Variants in HVCN1 observed in about 807,000 individuals in gnomAD.
HVCN1 encodes voltage-gated hydrogen channel 1.
Under a neutral mutation model 29.2 loss-of-function variants are expected in HVCN1, and 14 were observed. The ratio of observed to expected loss-of-function variants is 0.48; its 90% CI spans 0.32 to 0.75. The LOEUF is 0.75. HVCN1 is among the 30% of genes least tolerant of loss of function. The probability of loss-of-function intolerance (pLI) is 0.04; values close to 1 mark genes in which losing one functional copy is unlikely to be tolerated. For synonymous variants in HVCN1, 131 were observed against 133.2 expected, an observed-to-expected ratio of 0.98 and a Z score of 0.11; for missense variants, 263 against 341.8, an observed-to-expected ratio of 0.77 and a Z score of 1.82.
At chr12:110,667,602 TG>T (rs1341491389) in intron 3 of HVCN1, among the ~76,000 whole-genome samples, 13 of 152,116 alleles carry the variant, frequency 8.5e-5, no homozygotes, top group African/African-American at 3.1e-4. Flanking sequence ...GCTAATTTTT[TG>T]TATTTTTTTG....
intron 3 of HVCN1, among the ~76,000 whole-genome samples, chr12:110,668,669 G>A (rs2068455491): frequency 6.6e-6 from 1 of 152,136 alleles, no homozygotes; most frequent in Non-Finnish European, 1.5e-5. Flanking sequence ...CTGTGTTTCT[G>A]TCACTTATAA....
At chr12:110,656,587 C>T (rs898229200) in intron 4 of HVCN1, among the ~76,000 whole-genome samples, 13 of 152,262 alleles carry the variant, frequency 8.5e-5, no homozygotes, top group Admixed American at 1.3e-4. Context: ...CCCACCCCCC[C>T]GCCAGGGCCT....
intron 2 of HVCN1, among the ~76,000 whole-genome samples, chr12:110,696,423 C>A (rs866205640): frequency 1.3e-5 from 2 of 152,040 alleles, no homozygotes; most frequent in African/African-American, 4.8e-5. Context: ...AAAGGAAACA[C>A]TGTCAAAGGC....
chr12:110,698,474 G>T (rs1593555884), intron 2 of HVCN1, among the ~76,000 whole-genome samples: 3 of 152,142 alleles, frequency 2.0e-5, no homozygotes, highest in Admixed American at 6.5e-5. Flanking sequence ...CCTCGGTTCC[G>T]CCCTCCAGGC....
chr12:110,650,665 C>T (rs2067764234), intron 6 of HVCN1, among the ~76,000 whole-genome samples: 1 of 149,924 alleles, frequency 6.7e-6, no homozygotes, highest in Non-Finnish European at 1.5e-5. Context: ...AACTGAAAGG[C>T]TTTTTTTTCT....
intron 2 of HVCN1, among the ~76,000 whole-genome samples, chr12:110,698,090 G>A (rs985533697): frequency 6.6e-6 from 1 of 152,158 alleles, no homozygotes; most frequent in Admixed American, 6.5e-5. Flanking sequence ...TTCTCTGCCC[G>A]CAGAGACAGA....
At chr12:110,699,879 G>C (rs921621617) in intron 2 of HVCN1, among the ~76,000 whole-genome samples, 1 of 152,130 alleles carries the variant, frequency 6.6e-6, no homozygotes, top group Non-Finnish European at 1.5e-5. Flanking sequence ...CCACAGGCTG[G>C]AGGCATGAAG....
Position 110,661,054 on chromosome 12 carries a change from C to G in HVCN1, c.306+110G>C. On this transcript the variant is annotated intron_variant, in intron 4 of 7. Transcript: ENST00000242607. This position sits in a 1 kb window ranked among gnomAD's most constrained non-coding sequence, Gnocchi z 6.2. ...ACGTGGTAGGTGCTGGGCAAACACT[C>G]GTAGAATGAATGAGGCAGTGGCCAA... 9.5e-7 allele frequency: 1 copy of G among 1,052,788 alleles called. No individual in the cohort carries two copies. Among genetic ancestry groups the G allele is most frequent in the Non-Finnish European group, 1.4e-6 (1 of 709,368 alleles). The allele number at this position is 1,052,788 out of a possible 1,614,324, so 65.2% of individuals were successfully genotyped here. A position where few individuals can be genotyped will look rare whatever the true frequency, so the allele number is the denominator to read the frequency against.
At position 110,649,452 on chromosome 12, in the gene HVCN1, G is replaced by A; in HGVS notation, c.780C>T (p.Asn260=). Residue 260 remains asparagine (N), a synonymous_variant, in exon 8 of 8, where the codon AAC becomes AAT. Coordinates refer to ENST00000242607, the MANE Select transcript of HVCN1 (RefSeq NM_032369.4). ...GAAGTCCATGCTGTCGCAATAGTTT[G>A]TTAAGTCTTTCAATTTCTTGTTCCT... ...SEKEQEIERL[N]KLLRQHGLLG... 1.9e-6 allele frequency: 3 copies of A among 1,607,248 alleles called. No individual in the cohort carries two copies. The highest frequency in any genetic ancestry group is 2.2e-5 in the South Asian group (2 of 90,062).
intron 3 of HVCN1, among the ~76,000 whole-genome samples, chr12:110,662,032 T>C (rs1471476123): frequency 6.6e-6 from 1 of 152,218 alleles, no homozygotes; most frequent in African/African-American, 2.4e-5. Context: ...CCCTACCAGG[T>C]ATCAAATTTA....
intron 2 of HVCN1, among the ~76,000 whole-genome samples, chr12:110,695,035 C>G (rs1032146856): frequency 2.6e-5 from 4 of 152,220 alleles, no homozygotes; most frequent in East Asian, 1.9e-4. Flanking sequence ...GTAAGACAGG[C>G]AGGTCCTGCC....
intron 3 of HVCN1, among the ~76,000 whole-genome samples, chr12:110,667,115 T>C (rs2068395638): frequency 6.6e-6 from 1 of 152,044 alleles, no homozygotes; most frequent in Non-Finnish European, 1.5e-5. Context: ...ATACTGAAGC[T>C]CTCCAGGCAG....
chr12:110,648,905 G>A lies in HVCN1; in HGVS notation c.*505C>T. 1 of 401,546 alleles carries A rather than the reference G, an allele frequency of 2.5e-6. No homozygotes were observed. Among genetic ancestry groups the A allele is most frequent in the Non-Finnish European group, 4.8e-6 (1 of 209,742 alleles). The allele number at this position is 401,546 out of a possible 1,614,324, so 24.9% of individuals were successfully genotyped here. A position where few individuals can be genotyped will look rare whatever the true frequency, so the allele number is the denominator to read the frequency against. ...TGGAGCCACCTAGAAGCTGGCTGAT[G>A]CAGCTGGGGCACACAGAGGAGGGGC... On this transcript the variant is annotated 3_prime_UTR_variant, in exon 8 of 8. Coordinates refer to ENST00000242607, the MANE Select transcript of HVCN1 (RefSeq NM_032369.4).
At chr12:110,670,751 AC>A (rs1007270797) in intron 3 of HVCN1, among the ~76,000 whole-genome samples, 2 of 151,800 alleles carry the variant, frequency 1.3e-5, no homozygotes, top group African/African-American at 2.4e-5. Flanking sequence ...AATTGTGCAC[AC>A]CCCCCTAACA....
At chr12:110,697,848 C>A (rs555748341) in intron 2 of HVCN1, among the ~76,000 whole-genome samples, 1 of 152,196 alleles carries the variant, frequency 6.6e-6, no homozygotes, top group South Asian at 2.1e-4. Context: ...GATGGGGTTT[C>A]ACCATATTGG....
At chr12:110,679,892 T>C (rs1410975071) in intron 3 of HVCN1, among the ~76,000 whole-genome samples, 2 of 149,866 alleles carry the variant, frequency 1.3e-5, no homozygotes, top group Non-Finnish European at 3.0e-5. Flanking sequence ...AACTGAAGCT[T>C]TGGGAGGTGG....
chr12:110,684,627 C>T (rs1168362110), intron 2 of HVCN1, among the ~76,000 whole-genome samples: 2 of 152,144 alleles, frequency 1.3e-5, no homozygotes, highest in African/African-American at 2.4e-5. Flanking sequence ...GATCACTCTT[C>T]GCAGTGGTTA....
chr12:110,661,304 G>GCTCCTC lies in HVCN1; in HGVS notation c.160_165dup (p.Glu54_Glu55dup), dbSNP rs760596387. The GCTCCTC allele has an allele frequency of 4.3e-6, 7 of 1,613,060 alleles. No homozygotes were observed. Among genetic ancestry groups the GCTCCTC allele is most frequent in the Middle Eastern group, 1.7e-4 (1 of 6,060 alleles). On this transcript the variant is annotated inframe_insertion, in exon 4 of 8. Transcript: ENST00000242607. The surrounding 1 kb of genome is among the most constrained non-coding windows in gnomAD (Gnocchi z 6.2). The stretch of plus-strand genomic sequence containing the variant: ...CCTGAGACTGGTGTGGGTGGTGGCT[G>GCTCCTC]CTCCTCCTCCTCCTCCTCCTCTTCA...
At chr12:110,701,348 A>T (rs367615483) in intron 2 of HVCN1, among the ~76,000 whole-genome samples, 2 of 152,348 alleles carry the variant, frequency 1.3e-5, no homozygotes, top group South Asian at 2.1e-4. Context: ...CCACAAAAAA[A>T]CAATACCAGC....
Sources: gnomAD v4.1 joint callset for allele counts (sites outside exome capture counted in the v4.1 genomes callset) on GRCh38, gnomAD v4.1.1 for gene constraint, Gnocchi (gnomAD v3.1) non-coding constraint, MANE v1.5 for transcripts, NCBI Gene and HGNC (gene_info 2026-07-23, HGNC 2026-07-21) for gene names.